Variants in FRG1 observed in about 807,000 individuals in gnomAD.
FRG1 encodes the protein FSHD region gene 1.
Under a neutral mutation model 37.0 loss-of-function variants are expected in FRG1, and 19 were observed. The ratio of observed to expected loss-of-function variants is 0.51; its 90% CI spans 0.36 to 0.75. The LOEUF (loss-of-function observed/expected upper bound fraction) is 0.75. FRG1 is among the 30% of genes least tolerant of loss of function. The pLI is 0.00. For synonymous variants in FRG1, 73 were observed against 96.5 expected (o/e 0.76, Z 1.43); for missense variants, 243 against 301.4 (o/e 0.81, Z 1.44).
chr4:189,956,572 A>G (rs1463447646), intron 5 of FRG1, among the ~76,000 whole-genome samples: 1 of 152,206 alleles, frequency 6.6e-6, no homozygotes, highest in Non-Finnish European at 1.5e-5. Context: ...TCCAGGGCTC[A>G]CCAGGAGCCA....
At chr4:189,943,141 T>TA in intron 1 of FRG1, 61 bp from the exon 2 acceptor site, 1 of 1,470,684 alleles carries the variant, frequency 6.8e-7, no homozygotes, top group South Asian at 1.4e-5. Context: ...GTTTCAATCT[T>TA]ACAATATTTA....
chr4:189,956,400 T>C (rs1736984462), intron 5 of FRG1, among the ~76,000 whole-genome samples: 1 of 152,214 alleles, frequency 6.6e-6, no homozygotes, highest in South Asian at 2.1e-4. Flanking sequence ...GTACTAATAA[T>C]ACAACACTTT....
chr4:189,943,161 T>C (rs1736389181), intron 1 of FRG1, 41 bp from the exon 2 acceptor site: 1 of 1,508,914 alleles, frequency 6.6e-7, no homozygotes, highest in Non-Finnish European at 9.0e-7. Context: ...ATCGTACAAA[T>C]CAATATACCT....
At chr4:189,941,251 G>A (rs1332500305) in intron 1 of FRG1, among the ~76,000 whole-genome samples, 180 bp downstream of exon 1, 1 of 152,182 alleles carries the variant, frequency 6.6e-6, no homozygotes, top group Admixed American at 6.5e-5. Context: ...TGCAGAGAGG[G>A]GCAGCCTCCC....
intron 5 of FRG1, among the ~76,000 whole-genome samples, chr4:189,956,565 A>G (rs1736991609): frequency 1.3e-5 from 2 of 152,230 alleles, no homozygotes; most frequent in Non-Finnish European, 2.9e-5. Context: ...ACCATGTTCC[A>G]GGGCTCACCA....
At chr4:189,950,645 C>T (rs186828168) in intron 2 of FRG1, among the ~76,000 whole-genome samples, 52 of 152,230 alleles carry the variant, frequency 3.4e-4, no homozygotes, top group Admixed American at 1.4e-3. Context: ...AAATTTTGTG[C>T]AGTGGAATTA....
At chr4:189,953,314 G>GAAA (rs112474327) in intron 4 of FRG1, among the ~76,000 whole-genome samples, 189 bp downstream of exon 4, 1 of 151,386 alleles carries the variant, frequency 6.6e-6, no homozygotes, top group African/African-American at 2.4e-5. Context: ...TGCTAGGCTG[G>GAAA]AAAAAAAATA....
rs577530518 is a variant in FRG1, at chr4:189,961,676, G to A, written c.630-146G>A. On this transcript the variant is annotated intron_variant, in intron 7 of 8. Transcript: ENST00000226798. ...GCCTGCCTTGGCCTCCCAAAGTGCT[G>A]GGATTGCAGGCATGAGCCACTGCGC... The A allele has an allele frequency of 1.9e-4, 93 of 501,482 alleles. 1 individual carries two copies. In the South Asian group the frequency reaches 2.9e-3, roughly 16 times the overall value. 31.1% of individuals were successfully genotyped at this position (501,482 alleles called of 1,614,324 possible).
In FRG1 at chr4:189,948,374, T is replaced by TA. The variant is rs575157445; in HGVS notation, c.134-3787dup. On this transcript the variant is annotated intron_variant, in intron 2 of 8. Transcript: ENST00000226798. ...TGCTAGATTCAGAAGCAGTTGGACT[T>TA]ACAACATCGTACTTTGCAAAACACA... Among the ~76,000 whole-genome samples, 737 of 152,300 alleles carry TA rather than the reference T, an allele frequency of 4.8e-3. 6 individuals carry two copies. Among genetic ancestry groups the TA allele is most frequent in the African/African-American group, 0.015 (617 of 41,564 alleles).
rs1312052732 is a variant in FRG1, at chr4:189,957,488, G to A, written c.523G>A (p.Glu175Lys). The change falls in exon 6 of 9, where the codon GAA becomes AAA. Residue 175 changes from glutamate (E) to lysine (K), a missense_variant. Coordinates refer to ENST00000226798, the MANE Select transcript of FRG1 (RefSeq NM_004477.3). ...AGCAAAAAGTAAAACAGCAGGAGAAGAAGAAATGATCAAGGTAATGATGAC... is the reference window on the plus strand; with the variant it reads ...AGCAAAAAGTAAAACAGCAGGAGAAAAAGAAATGATCAAGGTAATGATGAC... ...IEAKSKTAGE[E>K]EMIKIRSCAE... 1 of 1,612,276 alleles carries A rather than the reference G, an allele frequency of 6.2e-7. No homozygotes were observed. Among genetic ancestry groups the A allele is most frequent in the African/African-American group, 1.3e-5 (1 of 74,822 alleles).
chr4:189,947,995 A>C (rs905839002), intron 2 of FRG1, among the ~76,000 whole-genome samples: 2 of 152,064 alleles, frequency 1.3e-5, no homozygotes, highest in African/African-American at 4.8e-5. Flanking sequence ...CCAATCTCTG[A>C]AAACAGTTTT....
chr4:189,960,629 G>C, intron 6 of FRG1, 119 bp from the exon 7 acceptor site: 1 of 1,069,330 alleles, frequency 9.4e-7, no homozygotes, highest in African/African-American at 1.6e-5. Context: ...GAATATAGTT[G>C]CTCAGTTAAT....
rs762138835 is a variant in FRG1, at chr4:189,953,136, GT to G, written c.317+13del. 5 of 1,563,372 alleles carry G rather than the reference GT, an allele frequency of 3.2e-6. No individual in the cohort carries two copies. The African/African-American group carries it at 6.9e-5, about 22-fold the overall frequency. Reference sequence around the variant, plus strand: ...ATTATCTGATTCCAGGTGAGCTTATGTTGTAATATAATTAGTAACCAGTTAT... The same window carrying G: ...ATTATCTGATTCCAGGTGAGCTTATGTGTAATATAATTAGTAACCAGTTAT... On this transcript the variant is annotated intron_variant, in intron 4 of 8. Transcript: ENST00000226798.
Position 189,955,030 on chromosome 4 carries a change from T to C in FRG1, c.318-7T>C. The C allele has an allele frequency of 6.5e-7, 1 of 1,541,966 alleles. No individual in the cohort carries two copies. Among genetic ancestry groups the C allele is most frequent in the Non-Finnish European group, 9.0e-7 (1 of 1,114,996 alleles). On this transcript the variant is annotated splice_polypyrimidine_tract_variant and splice_region_variant and intron_variant, in intron 4 of 8. Transcript: ENST00000226798. ...CTTTAACTTTTATCTATGTTATTAA[T>C]GTACAGAATCGCCCTGAAGTCTGGC...
chr4:189,953,324 AAGT>A (rs1736842049), intron 4 of FRG1, among the ~76,000 whole-genome samples, 199 bp downstream of exon 4: 7 of 150,586 alleles, frequency 4.6e-5, no homozygotes, highest in African/African-American at 1.5e-4. Flanking sequence ...GAAAAAAAAT[AAGT>A]TAAAAAGTGA....
At chr4:189,941,132 C>A in intron 1 of FRG1, 61 bp downstream of exon 1, 1 of 1,420,606 alleles carries the variant, frequency 7.0e-7, no homozygotes, top group Non-Finnish European at 9.9e-7. Context: ...TCCACCCCCG[C>A]AACTCCGGTG....
rs1345915527 is a variant in FRG1, at chr4:189,943,237, G to T, written c.98G>T (p.Arg33Ile). Residue 33 changes from arginine (R) to isoleucine (I), a missense_variant, in exon 2 of 9, where the codon AGA becomes ATA. This residue lies in a region of FRG1 where 110 missense variants were observed against 102.2 expected (regional missense o/e 1.08). Transcript: ENST00000226798. ...KKKSKDKKRK[R>I]EEDEETQLDI... ...AAGAGCAAAGATAAGAAAAGAAAAA[G>T]AGAAGAAGATGAAGAAACCCAGCTT... 6.2e-7 allele frequency: 1 copy of T among 1,608,390 alleles called. No individual in the cohort carries two copies. The highest frequency in any genetic ancestry group is 8.5e-7 in the Non-Finnish European group (1 of 1,176,908).
At chr4:189,954,997 C>G in intron 4 of FRG1, 40 bp from the exon 5 acceptor site, 1 of 1,262,266 alleles carries the variant, frequency 7.9e-7, no homozygotes, top group Non-Finnish European at 1.2e-6. Context: ...AATTAATTTT[C>G]TCTCAGTCTT....
At chr4:189,949,776 A>T (rs1274305313) in intron 2 of FRG1, among the ~76,000 whole-genome samples, 1 of 152,186 alleles carries the variant, frequency 6.6e-6, no homozygotes, top group Non-Finnish European at 1.5e-5. Flanking sequence ...TCAATCATCT[A>T]AATTGCTTAT....
Sources: allele counts gnomAD v4.1 joint callset (sites outside exome capture counted in the v4.1 genomes callset), GRCh38; gene constraint gnomAD v4.1.1; regional missense constraint gnomAD v4.1.1; transcripts MANE v1.5; gene names NCBI Gene and HGNC (gene_info 2026-07-23, HGNC 2026-07-21).